Variants in KDM3A observed in about 807,000 individuals in gnomAD.
KDM3A encodes the protein lysine-specific demethylase 3A.
Under a neutral mutation model 158.0 loss-of-function variants are expected in KDM3A, and 60 were observed. The observed-to-expected ratio is 0.38, with a 90% CI of 0.31 to 0.47. KDM3A has a LOEUF of 0.47. Among genes scored for constraint, KDM3A ranks in the 20% least tolerant of loss-of-function variants. KDM3A has a pLI of 0.99. For missense variants in KDM3A, 1,319 were observed against 1,574.3 expected, an observed-to-expected ratio of 0.84 and a Z score of 2.74; for synonymous variants, 608 against 549.3, an observed-to-expected ratio of 1.11 and a Z score of -1.49.
At chr2:86,460,098 T>C (rs1396135850) in intron 8 of KDM3A, among the ~76,000 whole-genome samples, 1 of 152,164 alleles carries the variant, frequency 6.6e-6, no homozygotes, top group Non-Finnish European at 1.5e-5. Flanking sequence ...AAGAATAGAA[T>C]CATCACTTGT....
chr2:86,442,287 C>T (rs1382930166), intron 2 of KDM3A, 54 bp downstream of exon 2: 4 of 1,508,086 alleles, frequency 2.7e-6, no homozygotes, highest in South Asian at 1.2e-5. Flanking sequence ...ACCGTGGTAA[C>T]GCGACCATCG....
intron 10 of KDM3A, among the ~76,000 whole-genome samples, chr2:86,467,098 A>G (rs898772073): frequency 6.6e-6 from 1 of 152,150 alleles, no homozygotes; most frequent in African/African-American, 2.4e-5. Context: ...ATACAGATAA[A>G]CTGTATTACA....
intron 8 of KDM3A, among the ~76,000 whole-genome samples, chr2:86,459,720 A>G (rs966432545): frequency 6.6e-6 from 1 of 152,106 alleles, no homozygotes; most frequent in African/African-American, 2.4e-5. Flanking sequence ...GACATATATG[A>G]TATGATCCTG....
rs1674065795 is a variant in KDM3A, at chr2:86,484,063, G to C, written c.2999G>C (p.Gly1000Ala). The C allele has an allele frequency of 6.2e-7, 1 of 1,613,906 alleles. No homozygotes were observed. Among genetic ancestry groups the C allele is most frequent in the Admixed American group, 1.7e-5 (1 of 59,996 alleles). The change falls in exon 19 of 26, where the codon GGT becomes GCT. Residue 1000 changes from glycine (G) to alanine (A), a missense_variant. Around this residue, in one of 4 missense-constraint regions of KDM3A, gnomAD observed 368 missense variants for 415.8 expected, o/e 0.89. Coordinates refer to ENST00000312912, the MANE Select transcript of KDM3A (RefSeq NM_018433.6). Reference sequence around the variant, plus strand: ...CCTGAATCCTTCAGGAAAGAGTTTGGTGAGCAGGAAGTAGACCTAGTTAAT... The same window carrying C: ...CCTGAATCCTTCAGGAAAGAGTTTGCTGAGCAGGAAGTAGACCTAGTTAAT... ...WKPESFRKEFGEQEVDLVNCR... is the reference protein window; with the variant it reads ...WKPESFRKEFAEQEVDLVNCR...
chr2:86,443,859 C>T (rs1682845555), intron 2 of KDM3A, among the ~76,000 whole-genome samples: 1 of 152,154 alleles, frequency 6.6e-6, no homozygotes, highest in Non-Finnish European at 1.5e-5. Flanking sequence ...TATAACCTTT[C>T]TGTAAGCTGG....
In KDM3A at chr2:86,466,350, C is replaced by A. The variant is rs200859016; in HGVS notation, c.1008-22C>A. 2,734 of 1,580,798 alleles carry A rather than the reference C, an allele frequency of 1.7e-3. 2 individuals are homozygous for A. The highest frequency in any genetic ancestry group is 2.2e-3 in the Non-Finnish European group (2,535 of 1,164,458). On this transcript the variant is annotated intron_variant, in intron 9 of 25. Transcript: ENST00000312912. Reference sequence around the variant, plus strand: ...AGATAAAAAGAGGCCTGGATGCTAGCTTTCTATATTATATTTTTCAGATGT... The same window carrying A: ...AGATAAAAAGAGGCCTGGATGCTAGATTTCTATATTATATTTTTCAGATGT...
Position 86,478,726 on chromosome 2 carries a change from C to G in KDM3A, c.2307C>G (p.Asp769Glu), listed in dbSNP as rs1255764645. The change falls in exon 15 of 26, where the codon GAC becomes GAG. Residue 769 changes from aspartate to glutamate, a missense_variant. Around this residue, in one of 4 missense-constraint regions of KDM3A, gnomAD observed 368 missense variants for 415.8 expected, o/e 0.89. Transcript: ENST00000312912. The part of the protein sequence containing the change: ...KLFSKPASKE[D>E]LKQTSLAGEK... ...TTTCAAAGCCAGCCTCAAAGGAAGA[C>G]CTAAAACAGGTATTTACTGCTTATG... 2.5e-6 allele frequency: 4 copies of G among 1,613,414 alleles called. No homozygotes were observed. In the African/African-American group the frequency reaches 5.3e-5, roughly 22 times the overall value.
chr2:86,462,656 C>T (rs1672975648), intron 8 of KDM3A, among the ~76,000 whole-genome samples: 1 of 152,082 alleles, frequency 6.6e-6, no homozygotes. Flanking sequence ...TGAAACTATG[C>T]CAAAACTTTG....
In KDM3A at chr2:86,477,894, C is replaced by T; in HGVS notation, c.1957C>T (p.Arg653Ter). 1 of 1,607,228 alleles carries T rather than the reference C, an allele frequency of 6.2e-7. No homozygotes were observed. Among genetic ancestry groups the T allele is most frequent in the Non-Finnish European group, 8.5e-7 (1 of 1,175,972 alleles). Residue 653 changes from arginine (R) to a stop codon, truncating the protein, a stop_gained, in exon 13 of 26, where the codon CGA becomes TGA. Coordinates refer to ENST00000312912, the MANE Select transcript of KDM3A (RefSeq NM_018433.6). LOFTEE classifies it high-confidence loss of function. ...TTTTGCAGGACAGGTTGCTTGGAAGCGAGCTGTCAAAGGTGTTCGAGAAAT... is the reference window on the plus strand; with the variant it reads ...TTTTGCAGGACAGGTTGCTTGGAAGTGAGCTGTCAAAGGTGTTCGAGAAAT... ...IEPHRQVAWK[R>*]AVKGVREMCD...
intron 2 of KDM3A, chr2:86,443,324 A>C (rs150286531): frequency 3.3e-5 from 5 of 152,352 alleles, no homozygotes; most frequent in Non-Finnish European, 5.9e-5. Flanking sequence ...AACACTGTTC[A>C]TTTGAACACT....
intron 2 of KDM3A, among the ~76,000 whole-genome samples, chr2:86,445,537 C>G (rs562737734): frequency 6.6e-6 from 1 of 151,684 alleles, no homozygotes; most frequent in Non-Finnish European, 1.5e-5. Context: ...GTCCTTTTTT[C>G]TTTGAAGCCT....
upstream of KDM3A, among the ~76,000 whole-genome samples, chr2:86,439,911 T>C (rs1682594728): frequency 6.6e-6 from 1 of 152,228 alleles, no homozygotes; most frequent in Non-Finnish European, 1.5e-5. Flanking sequence ...TCAAGCTTCC[T>C]GTTTTGTAAG....
Position 86,478,180 on chromosome 2 carries a change from C to T in KDM3A, c.2103C>T (p.Tyr701=), listed in dbSNP as rs1299285771. ...KRKNCQQGAA[Y]KTFSWLKCVK... ...ATCAGTTATTTGCAGGTGCTGCTTACAAGACTTTCTCTTGGCTAAAATGTG... is the reference window on the plus strand; with the variant it reads ...ATCAGTTATTTGCAGGTGCTGCTTATAAGACTTTCTCTTGGCTAAAATGTG... Residue 701 remains tyrosine, a synonymous_variant, in exon 14 of 26, where the codon TAC becomes TAT. Transcript: ENST00000312912. 3 of 1,613,860 alleles carry T rather than the reference C, an allele frequency of 1.9e-6. No homozygotes were observed. Among genetic ancestry groups the T allele is most frequent in the Non-Finnish European group, 1.7e-6 (2 of 1,179,836 alleles).
chr2:86,477,633 G>A (rs1351028066), intron 12 of KDM3A, among the ~76,000 whole-genome samples: 1 of 152,084 alleles, frequency 6.6e-6, no homozygotes. Context: ...AGAGGGAGGT[G>A]AGACTGTGCC....
At chr2:86,487,645 C>T (rs1451738430) in intron 21 of KDM3A, 6 of 152,204 alleles carry the variant, frequency 3.9e-5, no homozygotes, top group Admixed American at 2.6e-4. Flanking sequence ...TACTCTTCCC[C>T]CACTCTTAAC....
chr2:86,451,022 G>C, intron 3 of KDM3A, 81 bp from the exon 4 acceptor site: 1 of 845,664 alleles, frequency 1.2e-6, no homozygotes, highest in Non-Finnish European at 1.8e-6. Context: ...CACTTTCTCT[G>C]TGTGTGGAAA....
chr2:86,441,989 C>G (rs1573130333), intron 1 of KDM3A, 29 bp from the exon 2 acceptor site: 3 of 1,587,460 alleles, frequency 1.9e-6, no homozygotes, highest in East Asian at 2.3e-5. Context: ...CGGCCGCCCC[C>G]GTCGCATTTT....
In KDM3A at chr2:86,446,196, C is replaced by T. The variant is rs1340331298; in HGVS notation, c.187-3611C>T. On this transcript the variant is annotated intron_variant, in intron 2 of 25. Coordinates refer to ENST00000312912, the MANE Select transcript of KDM3A (RefSeq NM_018433.6). ...GTTTCATAGGTACTAATAAGGTACA[C>T]ATTTGCAAAATACCCATTAAAAGAA... Among the ~76,000 whole-genome samples the T allele has an allele frequency of 5.9e-5, 9 of 152,264 alleles. No individual in the cohort carries two copies. In the East Asian group the frequency reaches 1.7e-3, roughly 29 times the overall value.
chr2:86,466,931 A>G (rs764383751), intron 10 of KDM3A, 48 bp downstream of exon 10: 13 of 1,379,256 alleles, frequency 9.4e-6, no homozygotes, highest in Non-Finnish European at 1.2e-5. Flanking sequence ...GAAATGGTAG[A>G]TATATATATC....
Sources: allele counts gnomAD v4.1 joint callset (sites outside exome capture counted in the v4.1 genomes callset), GRCh38; gene constraint gnomAD v4.1.1; regional missense constraint gnomAD v4.1.1; transcripts MANE v1.5; gene names NCBI Gene and HGNC (gene_info 2026-07-23, HGNC 2026-07-21).